Variants in KIAA1549 observed in about 807,000 individuals in gnomAD.
KIAA1549 encodes the protein KIAA1549, also known as UPF0606 protein KIAA1549.
KIAA1549 carries 70 observed loss-of-function variants against 156.4 expected under a neutral mutation model. That is an observed-to-expected ratio of 0.45 (90% CI 0.37 to 0.55). The LOEUF (loss-of-function observed/expected upper bound fraction) is 0.55. KIAA1549 is among the 20% of genes least tolerant of loss of function. The pLI is 0.00. For synonymous variants in KIAA1549, 1,103 were observed against 1,066.4 expected, an observed-to-expected ratio of 1.03 and a Z score of -0.67; for missense variants, 2,428 against 2,540.9, an observed-to-expected ratio of 0.96 and a Z score of 0.96.
chr7:138,927,239 TTTG>T (rs1812744663), intron 1 of KIAA1549, among the ~76,000 whole-genome samples: 2 of 152,260 alleles, frequency 1.3e-5, no homozygotes, highest in Non-Finnish European at 2.9e-5. Context: ...ACTGCCAATG[TTTG>T]TTATTACAAA....
At chr7:138,974,658 G>A (rs369445163) in intron 1 of KIAA1549, among the ~76,000 whole-genome samples, 10 of 151,634 alleles carry the variant, frequency 6.6e-5, no homozygotes, top group African/African-American at 2.2e-4. Flanking sequence ...CCTGGCCTCA[G>A]GTGACCCACC....
chr7:138,904,985 C>T (rs1317197621), intron 7 of KIAA1549, 37 bp downstream of exon 7: 4 of 1,373,730 alleles, frequency 2.9e-6, no homozygotes, highest in South Asian at 1.3e-5. Context: ...ACTTCTTCTC[C>T]TTACAGTTCC....
intron 16 of KIAA1549, among the ~76,000 whole-genome samples, chr7:138,858,375 T>C (rs1810455998): frequency 6.6e-6 from 1 of 152,194 alleles, no homozygotes; most frequent in African/African-American, 2.4e-5. Context: ...GGATTACAGG[T>C]GTGAGCCACC....
intron 8 of KIAA1549, among the ~76,000 whole-genome samples, chr7:138,903,147 TCAAG>T (rs1369667039): frequency 6.6e-6 from 1 of 152,164 alleles, no homozygotes; most frequent in African/African-American, 2.4e-5. Context: ...GATGAAATGC[TCAAG>T]CAGAGGGCAG....
chr7:138,914,528 A>T (rs1379627914), intron 2 of KIAA1549, among the ~76,000 whole-genome samples: 2 of 152,294 alleles, frequency 1.3e-5, no homozygotes, highest in Non-Finnish European at 2.9e-5. Context: ...GCACACAGGA[A>T]GAATCCTTTC....
chr7:138,839,991 T>C, intron 19 of KIAA1549, 142 bp downstream of exon 19: 1 of 630,194 alleles, frequency 1.6e-6, no homozygotes, highest in Non-Finnish European at 2.5e-6. Flanking sequence ...GGGATTTCAC[T>C]ACATTGGCCA....
intron 12 of KIAA1549, among the ~76,000 whole-genome samples, chr7:138,871,819 G>A (rs1810947099): frequency 6.6e-6 from 1 of 152,170 alleles, no homozygotes; most frequent in Admixed American, 6.5e-5. Flanking sequence ...AGGCAATGTC[G>A]TACTACAGAG....
At chr7:138,952,178 T>C (rs1458455288) in intron 1 of KIAA1549, among the ~76,000 whole-genome samples, 2 of 152,214 alleles carry the variant, frequency 1.3e-5, no homozygotes, top group Admixed American at 1.3e-4. Flanking sequence ...TGGCTGAGGA[T>C]GGTCTGGGAT....
chr7:138,923,452 T>G lies in KIAA1549; in HGVS notation c.188-4014A>C, dbSNP rs534964936. ...CCTGTCTCTACTAAAAATAAAAAAT[T>G]TGCTGGGTGTGGTGGCATGCACCTG... On this transcript the variant is annotated intron_variant, in intron 1 of 19. Transcript: ENST00000422774. 3.9e-5 allele frequency among the ~76,000 whole-genome samples: 6 copies of G among 152,100 alleles called. No homozygotes were observed. In the South Asian group the frequency reaches 6.3e-4, roughly 16 times the overall value.
intron 1 of KIAA1549, among the ~76,000 whole-genome samples, chr7:138,947,342 T>C (rs1813368310): frequency 6.6e-6 from 1 of 152,056 alleles, no homozygotes; most frequent in Non-Finnish European, 1.5e-5. Context: ...ACCACCCCTT[T>C]ACAAATGAGG....
At chr7:138,935,277 T>C (rs547353500) in intron 1 of KIAA1549, among the ~76,000 whole-genome samples, 110 of 152,320 alleles carry the variant, frequency 7.2e-4, no homozygotes, top group Non-Finnish European at 1.4e-3. Context: ...ACTTTCTCAT[T>C]TGAGGAGCTA....
intron 10 of KIAA1549, among the ~76,000 whole-genome samples, chr7:138,882,623 A>G (rs769314094): frequency 4.6e-5 from 7 of 152,202 alleles, no homozygotes; most frequent in Non-Finnish European, 1.0e-4. Context: ...GTTGGAGAAC[A>G]TCTAATAGTT....
intron 15 of KIAA1549, among the ~76,000 whole-genome samples, chr7:138,861,788 T>C (rs1307056136): frequency 6.6e-6 from 1 of 152,026 alleles, no homozygotes; most frequent in Non-Finnish European, 1.5e-5. Context: ...GAAGGATAGC[T>C]TGAGCCCAGG....
Position 138,916,757 on chromosome 7 carries a change from TCA to T in KIAA1549, c.2867_2868del (p.Leu956HisfsTer40). On this transcript the variant is annotated frameshift_variant, in exon 2 of 20. Coordinates refer to ENST00000422774, the MANE Select transcript of KIAA1549 (RefSeq NM_001164665.2). LOFTEE classifies it high-confidence loss of function. ...VCDITVPDAYLITTVLARRAV... is the reference protein window; with the variant it reads ...VCDITVPDAYXITTVLARRAV... ...GGAAGCTGGGCCTTACCAGTTGTGA[TCA>T]GATAGGCATCGGGGACTGTGATATC... The T allele has an allele frequency of 6.2e-7, 1 of 1,613,810 alleles. No homozygotes were observed. Among genetic ancestry groups the T allele is most frequent in the Non-Finnish European group, 8.5e-7 (1 of 1,179,774 alleles).
At chr7:138,929,810 C>T (rs1453685726) in intron 1 of KIAA1549, among the ~76,000 whole-genome samples, 2 of 152,160 alleles carry the variant, frequency 1.3e-5, no homozygotes, top group East Asian at 3.9e-4. Context: ...CACAGCTCAA[C>T]CTCCCAAACA....
chr7:138,930,053 T>A (rs1812828404), intron 1 of KIAA1549, among the ~76,000 whole-genome samples: 1 of 152,226 alleles, frequency 6.6e-6, no homozygotes, highest in Non-Finnish European at 1.5e-5. Flanking sequence ...AATGGATGTG[T>A]GTTAACAGGC....
chr7:138,906,667 G>A (rs1812013297), intron 6 of KIAA1549, among the ~76,000 whole-genome samples: 1 of 152,126 alleles, frequency 6.6e-6, no homozygotes, highest in African/African-American at 2.4e-5. Flanking sequence ...GAAGAGTGGC[G>A]GGAGGAGGGA....
At chr7:138,887,191 T>C (rs1371339624) in intron 10 of KIAA1549, among the ~76,000 whole-genome samples, 1 of 152,154 alleles carries the variant, frequency 6.6e-6, no homozygotes, top group Admixed American at 6.5e-5. Flanking sequence ...ATTACAGGCA[T>C]GAGCCACCAC....
At chr7:138,862,388 C>T (rs1159709814) in intron 15 of KIAA1549, among the ~76,000 whole-genome samples, 1 of 151,700 alleles carries the variant, frequency 6.6e-6, no homozygotes, top group Non-Finnish European at 1.5e-5. Context: ...CCTGCAGTGC[C>T]AGCTACTCAC....
Sources: gnomAD v4.1 joint callset for allele counts (sites outside exome capture counted in the v4.1 genomes callset) on GRCh38, gnomAD v4.1.1 for gene constraint, MANE v1.5 for transcripts, NCBI Gene and HGNC (gene_info 2026-07-23, HGNC 2026-07-21) for gene names.